The following NEDD4 variants were observed in gnomAD, a reference collection of about 807,000 sequenced individuals.
NEDD4 encodes the protein E3 ubiquitin-protein ligase NEDD4.
NEDD4 carries 99 observed loss-of-function variants against 144.9 expected under a neutral mutation model. That is an observed-to-expected ratio of 0.68 (90% CI 0.58 to 0.81). The LOEUF is 0.81. Ranked by LOEUF, NEDD4 falls within the 30% of genes least tolerant of loss-of-function variation. NEDD4 has a pLI of 0.00. For missense variants in NEDD4, 985 were observed against 1,065.9 expected, an observed-to-expected ratio of 0.92 and a Z score of 1.06; for synonymous variants, 318 against 350.6, an observed-to-expected ratio of 0.91 and a Z score of 1.04.
chr15:55,991,863 A>G (rs181511225), intron 1 of NEDD4: 1 of 152,360 alleles, frequency 6.6e-6, no homozygotes, highest in African/African-American at 2.4e-5. Flanking sequence ...AGAAATTACT[A>G]AAGTAGATAA....
intron 1 of NEDD4, among the ~76,000 whole-genome samples, chr15:55,976,569 A>G (rs1245924129): frequency 6.6e-6 from 1 of 152,188 alleles, no homozygotes; most frequent in Non-Finnish European, 1.5e-5. Flanking sequence ...AAGATGGGCA[A>G]TAACAAATGC....
At chr15:55,889,942 A>G (rs1325950696) in intron 5 of NEDD4, among the ~76,000 whole-genome samples, 1 of 152,140 alleles carries the variant, frequency 6.6e-6, no homozygotes, top group African/African-American at 2.4e-5. Flanking sequence ...AGCTCAGGCA[A>G]TCTGCCCACA....
rs895442139 is a variant in NEDD4 at position 55,846,980 on chromosome 15, A to G, written c.1597T>C (p.Leu533=). 2.6e-5 allele frequency: 42 copies of G among 1,605,458 alleles called. 1 individual carries two copies. The highest frequency in any genetic ancestry group is 1.3e-4 in the African/African-American group (10 of 74,710). Residue 533 remains leucine (L), a synonymous_variant, in exon 18 of 29, where the codon TTG becomes CTG. Coordinates refer to ENST00000435532, the MANE Select transcript of NEDD4 (RefSeq NM_006154.4). Reference sequence around the variant, plus strand: ...TAAACATGACTAACCTGCTTCTTCAACTTTCTTCGGAAGAACTCATACTTT... The same window carrying G: ...TAAACATGACTAACCTGCTTCTTCAGCTTTCTTCGGAAGAACTCATACTTT... ...KRKYEFFRRK[L]KKQNDIPNKF...
intron 1 of NEDD4, among the ~76,000 whole-genome samples, chr15:55,971,947 A>C (rs1435416007): frequency 1.3e-5 from 2 of 152,206 alleles, no homozygotes; most frequent in East Asian, 3.8e-4. Context: ...GTGGACACCT[A>C]ATAGGCAGGA....
At chr15:55,899,552 T>C (rs2035846097) in intron 5 of NEDD4, among the ~76,000 whole-genome samples, 1 of 152,214 alleles carries the variant, frequency 6.6e-6, no homozygotes, top group East Asian at 1.9e-4. Context: ...TGCTTAAACA[T>C]TAGGGCAGGT....
At chr15:55,984,090 T>C (rs1173130658) in intron 1 of NEDD4, among the ~76,000 whole-genome samples, 3 of 152,180 alleles carry the variant, frequency 2.0e-5, no homozygotes, top group African/African-American at 7.2e-5. Context: ...CATCAAATAT[T>C]TGTTAAGCAA....
chr15:55,841,817 C>T (rs768529438), intron 19 of NEDD4, 117 bp downstream of exon 19: 39 of 770,528 alleles, frequency 5.1e-5, no homozygotes, highest in Middle Eastern at 3.0e-4. Flanking sequence ...GTGATCCGCC[C>T]GCCTCGGCCT....
At chr15:55,915,797 G>A (rs1196619299) in intron 5 of NEDD4, 1 of 1,613,712 alleles carries the variant, frequency 6.2e-7, no homozygotes, top group Non-Finnish European at 8.5e-7. Context: ...AGCCCTTCCT[G>A]TGAAGCGGCC....
chr15:55,973,856 T>TTA (rs1242721640), intron 1 of NEDD4, among the ~76,000 whole-genome samples: 1 of 148,964 alleles, frequency 6.7e-6, no homozygotes, highest in Admixed American at 6.7e-5. Context: ...ACAACCTAGC[T>TTA]ATGCATCTTA....
rs773718755 is a variant in NEDD4 at position 55,850,757 on chromosome 15, A to T, written c.1147-15T>A. 6.2e-7 allele frequency: 1 copy of T among 1,604,200 alleles called. No homozygotes were observed. The highest frequency in any genetic ancestry group is 1.1e-5 in the South Asian group (1 of 90,074). On this transcript the variant is annotated splice_polypyrimidine_tract_variant and intron_variant, in intron 13 of 28. Transcript: ENST00000435532. Reference sequence around the variant, plus strand: ...TCCACTGTGGCCTAGCACATTAATGAAATCATATTGTAATATTTTATAGAG... The same window carrying T: ...TCCACTGTGGCCTAGCACATTAATGTAATCATATTGTAATATTTTATAGAG...
intron 4 of NEDD4, among the ~76,000 whole-genome samples, chr15:55,947,920 C>G (rs1166900082): frequency 1.3e-5 from 2 of 152,148 alleles, no homozygotes; most frequent in Non-Finnish European, 2.9e-5. Flanking sequence ...CTCACCACTC[C>G]TATTCAACAT....
At chr15:55,918,905 T>G (rs1595844888) in intron 5 of NEDD4, among the ~76,000 whole-genome samples, 1 of 152,140 alleles carries the variant, frequency 6.6e-6, no homozygotes, top group Non-Finnish European at 1.5e-5. Flanking sequence ...CTTTCTGGGA[T>G]TAAGTGTGGG....
chr15:55,958,118 T>TA (rs373663853), intron 2 of NEDD4, among the ~76,000 whole-genome samples: 6 of 150,268 alleles, frequency 4.0e-5, no homozygotes, highest in East Asian at 2.1e-4. Flanking sequence ...TAACGTATAA[T>TA]AAAAAAAAGA....
chr15:55,900,614 G>A (rs1399487299), intron 5 of NEDD4, among the ~76,000 whole-genome samples: 2 of 152,110 alleles, frequency 1.3e-5, no homozygotes, highest in African/African-American at 4.8e-5. Flanking sequence ...ATTACTTTCA[G>A]TAAAGGGAGA....
At chr15:55,988,551 A>G (rs1457714453) in intron 1 of NEDD4, among the ~76,000 whole-genome samples, 1 of 151,868 alleles carries the variant, frequency 6.6e-6, no homozygotes, top group African/African-American at 2.4e-5. Flanking sequence ...CTGCAAAGAC[A>G]TGCCACGTAA....
chr15:55,850,217 G>A (rs1249339324), intron 14 of NEDD4, among the ~76,000 whole-genome samples: 1 of 152,002 alleles, frequency 6.6e-6, no homozygotes, highest in Non-Finnish European at 1.5e-5. Flanking sequence ...AATGAGATAT[G>A]GATTCAAAAG....
intron 12 of NEDD4, among the ~76,000 whole-genome samples, chr15:55,852,819 G>A (rs1332392137): frequency 6.6e-5 from 10 of 151,260 alleles, no homozygotes; most frequent in Non-Finnish European, 1.3e-4. Context: ...GTATGATCTC[G>A]GCTCACTGCA....
intron 1 of NEDD4, among the ~76,000 whole-genome samples, chr15:55,988,487 T>TAAAA (rs56688563): frequency 3.0e-4 from 31 of 101,684 alleles, no homozygotes; most frequent in South Asian, 6.9e-4. Context: ...AAAAAAAAAT[T>TAAAA]AAAAAAAAAA....
intron 14 of NEDD4, among the ~76,000 whole-genome samples, chr15:55,849,983 C>T (rs1046328720): frequency 1.3e-5 from 2 of 151,852 alleles, no homozygotes; most frequent in Admixed American, 6.6e-5. Flanking sequence ...TTAGTAGAAA[C>T]GGGGTTTCAC....
Sources: gnomAD v4.1 joint callset for allele counts (sites outside exome capture counted in the v4.1 genomes callset) on GRCh38, gnomAD v4.1.1 for gene constraint, MANE v1.5 for transcripts, NCBI Gene and HGNC (gene_info 2026-07-23, HGNC 2026-07-21) for gene names.